Variants in OR52K1 observed in about 807,000 individuals in gnomAD.
OR52K1 encodes olfactory receptor 52K1.
In OR52K1, 10 loss-of-function variants were observed where a neutral mutation model predicts 8.7. That is an observed-to-expected ratio of 1.15 (90% confidence interval 0.71 to 1.95). OR52K1 has a LOEUF of 1.95. OR52K1 is among the 30% of genes most tolerant of loss of function. OR52K1 has a pLI of 0.00. For missense variants in OR52K1, 431 were observed against 397.2 expected (o/e 1.08, Z -0.72); for synonymous variants, 203 against 148.5 (o/e 1.37, Z -2.67).
Position 4,482,748 on chromosome 11 carries a change from G to C in OR52K1, c.-757G>C. 1 of 168,798 alleles carries C rather than the reference G, an allele frequency of 5.9e-6. No homozygotes were observed. Among genetic ancestry groups the C allele is most frequent in the Non-Finnish European group, 1.3e-5 (1 of 79,280 alleles). 10.5% of individuals were successfully genotyped at this position (168,798 alleles called of 1,614,324 possible). A position where few individuals can be genotyped will look rare whatever the true frequency, so the allele number is the denominator to read the frequency against. On this transcript the variant is annotated 5_prime_UTR_variant, in exon 1 of 2. Coordinates refer to ENST00000641528, the MANE Select transcript of OR52K1 (RefSeq NM_001005171.3). The stretch of plus-strand genomic sequence containing the variant: ...GGACTGTGGATACAGCTGCAACTTA[G>C]GGAAATAGAAAACAAGTGATGTTAT...
In OR52K1 at chr11:4,486,631, T is replaced by C. The variant is rs1846323147; in HGVS notation, c.-328-1942T>C. ...ATCATAACTGCCCTATTCCTTGGTT[T>C]TTAAATCACAACAATGAAACTTTGT... On this transcript the variant is annotated intron_variant, in intron 1 of 1. Coordinates refer to ENST00000641528, the MANE Select transcript of OR52K1 (RefSeq NM_001005171.3). 2.0e-5 allele frequency among the ~76,000 whole-genome samples: 3 copies of C among 152,248 alleles called. No homozygotes were observed. The South Asian group carries it at 6.2e-4, about 32-fold the overall frequency.
intron 1 of OR52K1, among the ~76,000 whole-genome samples, chr11:4,483,878 T>G (rs1389252887): frequency 6.6e-6 from 1 of 152,208 alleles, no homozygotes; most frequent in African/African-American, 2.4e-5. Context: ...TCTGTTGTCA[T>G]AAGAGCTTGT....
In OR52K1 at chr11:4,491,422, C is replaced by A. The variant is rs751935167; in HGVS notation, c.*1577C>A. 4 of 152,156 alleles carry A rather than the reference C, an allele frequency of 2.6e-5. No homozygotes were observed. The highest frequency in any genetic ancestry group is 4.4e-5 in the Non-Finnish European group (3 of 68,020). The allele number at this position is 152,156 out of a possible 1,614,324, so 9.4% of individuals were successfully genotyped here. A position where few individuals can be genotyped will look rare whatever the true frequency, so the allele number is the denominator to read the frequency against. On this transcript the variant is annotated 3_prime_UTR_variant, in exon 2 of 2. Coordinates refer to ENST00000641528, the MANE Select transcript of OR52K1 (RefSeq NM_001005171.3). ...AGAAATACCATTTGACTGAGTGATC[C>A]TTTAGTGGGTATGTACCCAAAGGAA... is the stretch of plus-strand genomic sequence containing the variant.
In OR52K1 at chr11:4,492,024, G is replaced by A. The variant is rs545550045; in HGVS notation, c.*2179G>A. 2.0e-5 allele frequency: 3 copies of A among 151,354 alleles called. No homozygotes were observed. In the East Asian group the frequency reaches 6.0e-4, roughly 30 times the overall value. The allele number at this position is 151,354 out of a possible 1,614,324, so 9.4% of individuals were successfully genotyped here. On this transcript the variant is annotated 3_prime_UTR_variant, in exon 2 of 2. Coordinates refer to ENST00000641528, the MANE Select transcript of OR52K1 (RefSeq NM_001005171.3). ...CCATATAGACACGTGTTATTGCAGA[G>A]GTGTGTGATACATATGCACCATGGA...
chr11:4,489,690 C>T lies in OR52K1; in HGVS notation c.790C>T (p.His264Tyr). The change falls in exon 2 of 2, where the codon CAC becomes TAC. Residue 264 changes from histidine (H) to tyrosine (Y), a missense_variant. By Grantham distance (83) the His-to-Tyr change is moderately conservative (BLOSUM62 2). Coordinates refer to ENST00000641528, the MANE Select transcript of OR52K1 (RefSeq NM_001005171.3). ...YTPVVISSVM[H>Y]RVARHAAPRV... ...TCCAGTAGTCATCTCTTCAGTCATG[C>T]ACCGTGTAGCCCGCCATGCTGCCCC... The T allele has an allele frequency of 6.2e-7, 1 of 1,614,220 alleles. No homozygotes were observed. Among genetic ancestry groups the T allele is most frequent in the Non-Finnish European group, 8.5e-7 (1 of 1,180,046 alleles).
chr11:4,489,579 G>A lies in OR52K1; in HGVS notation c.679G>A (p.Val227Ile), dbSNP rs772866663. 1 of 1,614,234 alleles carries A rather than the reference G, an allele frequency of 6.2e-7. No homozygotes were observed. Among genetic ancestry groups the A allele is most frequent in the African/African-American group, 1.3e-5 (1 of 75,062 alleles). Residue 227 changes from valine to isoleucine, a missense_variant, in exon 2 of 2, where the codon GTT (valine) becomes ATT (isoleucine). Transcript: ENST00000641528. Reference protein sequence around the residue: ...ILSYVFILQAVLQLASQEARY... With the variant: ...ILSYVFILQAILQLASQEARY... ...GTCTTATGTCTTCATCCTTCAGGCA[G>A]TTCTCCAGCTTGCCTCTCAGGAGGC...
chr11:4,484,317 C>A (rs1846303245), intron 1 of OR52K1, among the ~76,000 whole-genome samples: 1 of 152,086 alleles, frequency 6.6e-6, no homozygotes, highest in Non-Finnish European at 1.5e-5. Flanking sequence ...GTGGCTTGAA[C>A]AAGGGTGATG....
intron 1 of OR52K1, among the ~76,000 whole-genome samples, chr11:4,487,694 T>A (rs1386243004): frequency 6.6e-6 from 1 of 152,198 alleles, no homozygotes; most frequent in Non-Finnish European, 1.5e-5. Flanking sequence ...CCCAACAGTT[T>A]CTTTTTGAAA....
chr11:4,487,317 T>C (rs1846328722), intron 1 of OR52K1, among the ~76,000 whole-genome samples: 3 of 152,324 alleles, frequency 2.0e-5, no homozygotes, highest in Middle Eastern at 6.8e-3. Flanking sequence ...TAAGGAATTA[T>C]ACAAAATGAT....
At chr11:4,487,240 CATAA>C in intron 1 of OR52K1, among the ~76,000 whole-genome samples, 1 of 152,082 alleles carries the variant, frequency 6.6e-6, no homozygotes, top group Non-Finnish European at 1.5e-5. Context: ...GATTAATCAA[CATAA>C]ATAATTTTTT....
At chr11:4,486,512 C>A (rs1031119701) in intron 1 of OR52K1, among the ~76,000 whole-genome samples, 1 of 152,168 alleles carries the variant, frequency 6.6e-6, no homozygotes, top group Non-Finnish European at 1.5e-5. Flanking sequence ...TATTTCCTCA[C>A]CTCATTCAAT....
Position 4,488,705 on chromosome 11 carries a change from G to A in OR52K1, c.-196G>A, listed in dbSNP as rs1028802789. The A allele has an allele frequency of 3.6e-6, 2 of 562,366 alleles. No individual in the cohort carries two copies. The highest frequency in any genetic ancestry group is 3.4e-5 in the Admixed American group (1 of 29,642). The allele number at this position is 562,366 out of a possible 1,614,324, so 34.8% of individuals were successfully genotyped here. A position where few individuals can be genotyped will look rare whatever the true frequency, so the allele number is the denominator to read the frequency against. ...CAATGAGATTCAAATTTCTTTGAGG[G>A]TAGAAAATATGGATTATACTTCTCC... is the stretch of plus-strand genomic sequence containing the variant. On this transcript the variant is annotated 5_prime_UTR_variant, in exon 2 of 2. Transcript: ENST00000641528.
rs1355556206 is a variant in OR52K1 at position 4,493,276 on chromosome 11, AAC to A, written c.*3433_*3434del. 6.6e-6 allele frequency: 1 copy of A among 152,166 alleles called. No individual in the cohort carries two copies. Among genetic ancestry groups the A allele is most frequent in the Non-Finnish European group, 1.5e-5 (1 of 68,048 alleles). 9.4% of individuals were successfully genotyped at this position (152,166 alleles called of 1,614,324 possible). A position where few individuals can be genotyped will look rare whatever the true frequency, so the allele number is the denominator to read the frequency against. On this transcript the variant is annotated 3_prime_UTR_variant, in exon 2 of 2. Transcript: ENST00000641528. Reference sequence around the variant, plus strand: ...TCAGGCCTTCCACAAGAGGTGGTGAAACAGAGTCTTCTCTAACTCCCCCAGGG... The same window carrying A: ...TCAGGCCTTCCACAAGAGGTGGTGAAAGAGTCTTCTCTAACTCCCCCAGGG...
intron 1 of OR52K1, among the ~76,000 whole-genome samples, chr11:4,488,256 T>TC (rs1846336465): frequency 6.6e-6 from 1 of 152,250 alleles, no homozygotes; most frequent in East Asian, 1.9e-4. Context: ...TAGTCACTAG[T>TC]CACATGTGGC....
intron 1 of OR52K1, among the ~76,000 whole-genome samples, chr11:4,485,998 C>T (rs1846318201): frequency 6.6e-6 from 1 of 152,168 alleles, no homozygotes. Context: ...TTAGACTGTT[C>T]CTTTCCCCTG....
chr11:4,488,798 A>C lies in OR52K1; in HGVS notation c.-103A>C. 1 of 778,666 alleles carries C rather than the reference A, an allele frequency of 1.3e-6. No individual in the cohort carries two copies. Among genetic ancestry groups the C allele is most frequent in the Non-Finnish European group, 2.1e-6 (1 of 465,744 alleles). 48.2% of individuals were successfully genotyped at this position (778,666 alleles called of 1,614,324 possible). ...AATGGAAACAAGAGGTAATCTTTGC[A>C]GGTGGGATAGCACAGGTTGAACTCT... On this transcript the variant is annotated 5_prime_UTR_variant, in exon 2 of 2. Transcript: ENST00000641528.
At position 4,490,458 on chromosome 11, in the gene OR52K1, A is replaced by G. The variant is rs1259937115; in HGVS notation, c.*613A>G. The G allele has an allele frequency of 6.6e-6, 1 of 152,528 alleles. No homozygotes were observed. Among genetic ancestry groups the G allele is most frequent in the East Asian group, 1.9e-4 (1 of 5,196 alleles). 9.4% of individuals were successfully genotyped at this position (152,528 alleles called of 1,614,324 possible). A position where few individuals can be genotyped will look rare whatever the true frequency, so the allele number is the denominator to read the frequency against. ...ATTCCTTTAGTGAACATTTATCAAA[A>G]GAGTCCTCCGATGTTCCTTTTTATC... On this transcript the variant is annotated 3_prime_UTR_variant, in exon 2 of 2. Transcript: ENST00000641528.
In OR52K1 at chr11:4,492,280, A is replaced by T. The variant is rs1394363378; in HGVS notation, c.*2435A>T. Reference sequence around the variant, plus strand: ...ATTGTGTTTGAGCTGCTAAAAAAAAAAAATAAACTTTAAAATATGGCTGGA... The same window carrying T: ...ATTGTGTTTGAGCTGCTAAAAAAAATAAATAAACTTTAAAATATGGCTGGA... On this transcript the variant is annotated 3_prime_UTR_variant, in exon 2 of 2. Transcript: ENST00000641528. The T allele has an allele frequency of 3.3e-5, 5 of 152,218 alleles. No homozygotes were observed. In the East Asian group the frequency reaches 5.8e-4, roughly 18 times the overall value. The allele number at this position is 152,218 out of a possible 1,614,324, so 9.4% of individuals were successfully genotyped here. A position where few individuals can be genotyped will look rare whatever the true frequency, so the allele number is the denominator to read the frequency against.
At chr11:4,487,142 A>G (rs1045588621) in intron 1 of OR52K1, among the ~76,000 whole-genome samples, 9 of 152,202 alleles carry the variant, frequency 5.9e-5, no homozygotes, top group African/African-American at 2.2e-4. Flanking sequence ...TATCCTTGAG[A>G]GAGTTGAGAT....
Sources: allele counts gnomAD v4.1 joint callset (sites outside exome capture counted in the v4.1 genomes callset), GRCh38; gene constraint gnomAD v4.1.1; transcripts MANE v1.5; gene names NCBI Gene and HGNC (gene_info 2026-07-23, HGNC 2026-07-21).